Variants in PDZD2 observed in about 807,000 individuals in gnomAD.
PDZD2 encodes PDZ domain-containing protein 2.
A neutral mutation model predicts 220.7 loss-of-function variants in PDZD2; 90 were observed. The ratio of observed to expected loss-of-function variants is 0.41; its 90% CI spans 0.34 to 0.49. PDZD2 has a LOEUF of 0.49. Ranked by LOEUF, PDZD2 falls within the 20% of genes least tolerant of loss-of-function variation. PDZD2 has a pLI of 0.28. For missense variants in PDZD2, 3,174 were observed against 3,608.5 expected (o/e 0.88, Z 3.08); for synonymous variants, 1,375 against 1,450.5 (o/e 0.95, Z 1.18).
At chr5:32,100,252 GCT>G in intron 23 of PDZD2, 3 of 158,772 alleles carry the variant, frequency 1.9e-5, no homozygotes, top group Admixed American at 5.9e-5. Flanking sequence ...TGCTAGCTTG[GCT>G]TCAGCCCTAG....
chr5:31,826,766 T>C (rs1371530649), intron 2 of PDZD2, among the ~76,000 whole-genome samples: 1 of 152,182 alleles, frequency 6.6e-6, no homozygotes, highest in Non-Finnish European at 1.5e-5. Flanking sequence ...ATGAGCCACA[T>C]GCATTAGGTA....
At chr5:32,076,926 A>G (rs1741358158) in intron 18 of PDZD2, among the ~76,000 whole-genome samples, 1 of 152,236 alleles carries the variant, frequency 6.6e-6, no homozygotes, top group South Asian at 2.1e-4. Context: ...TATCACTCAC[A>G]ATGGATAAAT....
chr5:31,890,135 A>AT (rs59916833), intron 2 of PDZD2, among the ~76,000 whole-genome samples: 1,821 of 98,210 alleles, frequency 0.019, 25 homozygotes, highest in East Asian at 0.029. Flanking sequence ...CTTTTTTGTG[A>AT]TTTTTTTTTT....
intron 6 of PDZD2, among the ~76,000 whole-genome samples, chr5:32,027,582 T>A (rs1403645209): frequency 3.3e-5 from 5 of 152,192 alleles, no homozygotes; most frequent in Non-Finnish European, 5.9e-5. Flanking sequence ...CTCTGATCTA[T>A]GCACACATGC....
chr5:31,684,170 G>A (rs1225510864), intron 1 of PDZD2, among the ~76,000 whole-genome samples: 3 of 152,154 alleles, frequency 2.0e-5, no homozygotes, highest in African/African-American at 7.2e-5. Flanking sequence ...CCATCCTCCT[G>A]TAGCAGCCAC....
chr5:31,727,865 G>A (rs1350626142), intron 1 of PDZD2, among the ~76,000 whole-genome samples: 1 of 149,288 alleles, frequency 6.7e-6, no homozygotes, highest in Non-Finnish European at 1.5e-5. Context: ...TTTGCCGGGT[G>A]TGGTGTGGGC....
At chr5:31,654,278 T>G (rs1348179344) in intron 1 of PDZD2, among the ~76,000 whole-genome samples, 1 of 152,080 alleles carries the variant, frequency 6.6e-6, no homozygotes, top group East Asian at 1.9e-4. Context: ...ATTGAAACAC[T>G]CCTTACCTTG....
chr5:31,852,944 A>T lies in PDZD2; in HGVS notation c.476+53220A>T, dbSNP rs1302951248. Among the ~76,000 whole-genome samples the T allele has an allele frequency of 2.0e-5, 3 of 152,346 alleles. No individual in the cohort carries two copies. The East Asian group carries it at 5.8e-4, about 29-fold the overall frequency. On this transcript the variant is annotated intron_variant, in intron 2 of 24. Coordinates refer to ENST00000438447, the MANE Select transcript of PDZD2 (RefSeq NM_178140.4). ...TTGATGTACACATCATCAATTATGT[A>T]CCTGGATTGAAGGAGTGGAGAAAGA...
At chr5:31,653,260 C>T (rs1020593321) in intron 1 of PDZD2, among the ~76,000 whole-genome samples, 1 of 152,104 alleles carries the variant, frequency 6.6e-6, no homozygotes, top group Non-Finnish European at 1.5e-5. Context: ...GGGGCAGAAA[C>T]ACTAGACTGG....
intron 2 of PDZD2, among the ~76,000 whole-genome samples, chr5:31,900,834 C>T (rs934268455): frequency 6.6e-6 from 1 of 151,986 alleles, no homozygotes; most frequent in Non-Finnish European, 1.5e-5. Flanking sequence ...TTGCCAGGCC[C>T]CAAGGTTTCT....
At chr5:31,804,419 T>G (rs2150235049) in intron 2 of PDZD2, among the ~76,000 whole-genome samples, 1 of 152,332 alleles carries the variant, frequency 6.6e-6, no homozygotes, top group East Asian at 1.9e-4. Flanking sequence ...TCCCTACTTC[T>G]CTTGAATAAT....
chr5:32,005,407 T>G (rs1752716238), intron 5 of PDZD2, among the ~76,000 whole-genome samples: 1 of 152,176 alleles, frequency 6.6e-6, no homozygotes, highest in East Asian at 1.9e-4. Context: ...CAAGTTAGTT[T>G]TGATATGCCT....
At chr5:31,737,791 G>T (rs10054060) in intron 1 of PDZD2, among the ~76,000 whole-genome samples, 1 of 151,868 alleles carries the variant, frequency 6.6e-6, no homozygotes, top group Non-Finnish European at 1.5e-5. Context: ...CTTTAAAACT[G>T]TATCATGACT....
intron 19 of PDZD2, among the ~76,000 whole-genome samples, chr5:32,079,028 G>C (rs566910063): frequency 2.0e-5 from 3 of 151,790 alleles, no homozygotes; most frequent in Admixed American, 6.6e-5. Flanking sequence ...GGATGCCAAG[G>C]GGGGGCCGAT....
intron 6 of PDZD2, among the ~76,000 whole-genome samples, chr5:32,024,768 T>C (rs1978460): frequency 0.51 from 76,893 of 151,460 alleles, 20,358 homozygotes; most frequent in South Asian, 0.61. Flanking sequence ...GGCTCCGTTG[T>C]AGATGAGGAG....
chr5:32,026,417 C>T (rs988344616), intron 6 of PDZD2, among the ~76,000 whole-genome samples: 1 of 152,172 alleles, frequency 6.6e-6, no homozygotes, highest in Non-Finnish European at 1.5e-5. Flanking sequence ...AGATGACAGG[C>T]GTGAGCAACT....
At chr5:31,882,461 G>A (rs1018471984) in intron 2 of PDZD2, among the ~76,000 whole-genome samples, 1 of 152,166 alleles carries the variant, frequency 6.6e-6, no homozygotes, top group Non-Finnish European at 1.5e-5. Flanking sequence ...TAAAGAAGGG[G>A]AGAGGGAGGA....
chr5:31,879,870 G>T, intron 2 of PDZD2, among the ~76,000 whole-genome samples: 1 of 149,728 alleles, frequency 6.7e-6, no homozygotes, highest in South Asian at 2.1e-4. Flanking sequence ...ATCTGATTTT[G>T]GCTCTGCTAA....
intron 1 of PDZD2, among the ~76,000 whole-genome samples, chr5:31,703,635 T>TA (rs1254342029): frequency 1.3e-5 from 2 of 151,942 alleles, no homozygotes; most frequent in African/African-American, 2.4e-5. Context: ...GAACTTTAAT[T>TA]AAAAAAAGAA....
Sources: gnomAD v4.1 joint callset for allele counts (sites outside exome capture counted in the v4.1 genomes callset) on GRCh38, gnomAD v4.1.1 for gene constraint, MANE v1.5 for transcripts, NCBI Gene and HGNC (gene_info 2026-07-23, HGNC 2026-07-21) for gene names.